Variants in FAM120C observed in about 807,000 individuals in gnomAD.
FAM120C encodes the protein constitutive coactivator of PPAR-gamma-like protein 2.
FAM120C carries 14 observed loss-of-function variants against 71.2 expected under a neutral mutation model. The observed-to-expected ratio is 0.20, with a 90% CI of 0.13 to 0.31. The LOEUF (loss-of-function observed/expected upper bound fraction) is 0.31. Among genes scored for constraint, FAM120C ranks in the 10% least tolerant of loss-of-function variants. The pLI, the probability that FAM120C is intolerant of heterozygous loss-of-function variation, is 1.00. For synonymous variants in FAM120C, 354 were observed against 353.2 expected (o/e 1.00, Z -0.03); for missense variants, 500 against 879.0 (o/e 0.57, Z 5.45).
At chrX:54,087,040 C>T (rs2066798275) in intron 12 of FAM120C, among the ~76,000 whole-genome samples, 1 of 110,436 alleles carries the variant, frequency 9.1e-6, no homozygotes, top group Non-Finnish European at 1.9e-5. Context: ...CTCCCCTCAT[C>T]TTTCCCAATG....
chrX:54,089,570 A>G (rs782078423), intron 11 of FAM120C, among the ~76,000 whole-genome samples: 22 of 112,018 alleles, frequency 2.0e-4, no homozygotes, highest in Non-Finnish European at 3.9e-4. Context: ...TTGATCTTCT[A>G]GCTTACTTTG....
chrX:54,173,069 C>T (rs1370716543), intron 1 of FAM120C, among the ~76,000 whole-genome samples: 1 of 112,534 alleles, frequency 8.9e-6, no homozygotes, highest in African/African-American at 3.2e-5. Context: ...TTGTACTCAA[C>T]AAACACTTTT....
intron 1 of FAM120C, 115 bp from the exon 2 acceptor site, chrX:54,159,731 G>T: frequency 9.0e-6 from 6 of 663,895 alleles, no homozygotes; most frequent in Non-Finnish European, 1.3e-5. Context: ...TTGTACGTGA[G>T]AGAACAGAAC....
chrX:54,113,184 G>A (rs992860260), intron 10 of FAM120C, among the ~76,000 whole-genome samples: 2 of 111,674 alleles, frequency 1.8e-5, no homozygotes, highest in South Asian at 3.7e-4. Context: ...AAAAGTGGCC[G>A]GGGGCGGTGG....
intron 1 of FAM120C, among the ~76,000 whole-genome samples, chrX:54,169,567 TC>T (rs1390417527): frequency 1.8e-5 from 2 of 111,620 alleles, no homozygotes; most frequent in African/African-American, 6.5e-5. Context: ...CTCCAGCTTG[TC>T]CCATATTCCC....
rs1317295678 is a variant in FAM120C, at chrX:54,182,944, ATGG to A, written c.252_254del (p.His86del). On this transcript the variant is annotated inframe_deletion, in exon 1 of 16. Transcript: ENST00000375180. ...GATGGTGGAAGTGGTGAGCGGGGTG[ATGG>A]TGCCGAGTCGGCCCCGCGCCCCCGG... 8.6e-7 allele frequency: 1 copy of A among 1,159,272 alleles called. No homozygotes were observed. The highest frequency in any genetic ancestry group is 1.8e-5 in the African/African-American group (1 of 54,927).
intron 11 of FAM120C, among the ~76,000 whole-genome samples, chrX:54,088,167 C>A (rs2146562873): frequency 9.0e-6 from 1 of 111,156 alleles, no homozygotes; most frequent in African/African-American, 3.3e-5. Context: ...TTAAAGACAC[C>A]AACCTGAGAC....
chrX:54,098,021 C>T (rs1451840758), intron 10 of FAM120C, among the ~76,000 whole-genome samples: 3 of 107,096 alleles, frequency 2.8e-5, no homozygotes, highest in African/African-American at 6.8e-5. Flanking sequence ...CCACTGTGCC[C>T]GGCCTATTTT....
chrX:54,162,412 C>T (rs1176310798), intron 1 of FAM120C, among the ~76,000 whole-genome samples: 1 of 111,799 alleles, frequency 8.9e-6, no homozygotes, highest in Non-Finnish European at 1.9e-5. Flanking sequence ...CTCCTCTTCA[C>T]TCTTATAGCA....
intron 9 of FAM120C, among the ~76,000 whole-genome samples, chrX:54,131,818 G>A (rs1299434253): frequency 9.3e-6 from 1 of 107,465 alleles, no homozygotes; most frequent in African/African-American, 3.5e-5. Context: ...CTGGAGTGCA[G>A]TGGAGCAATC....
intron 1 of FAM120C, among the ~76,000 whole-genome samples, chrX:54,167,243 C>T (rs868917829): frequency 5.4e-5 from 6 of 112,076 alleles, no homozygotes; most frequent in South Asian, 3.7e-4. Flanking sequence ...CAACAATGAC[C>T]GTCAGAATAG....
intron 9 of FAM120C, among the ~76,000 whole-genome samples, chrX:54,132,110 C>G (rs1290178981): frequency 9.1e-6 from 1 of 110,143 alleles, no homozygotes; most frequent in Non-Finnish European, 1.9e-5. Flanking sequence ...GGCTGGAGTA[C>G]AGTAACACGA....
chrX:54,143,739 A>G (rs1264395711), intron 4 of FAM120C, among the ~76,000 whole-genome samples: 1 of 112,038 alleles, frequency 8.9e-6, no homozygotes, highest in African/African-American at 3.2e-5. Context: ...CAGAGGTATA[A>G]GGAGGAGCTG....
chrX:54,139,780 C>T (rs1557131322), intron 4 of FAM120C, among the ~76,000 whole-genome samples: 1 of 110,952 alleles, frequency 9.0e-6, no homozygotes, highest in Non-Finnish European at 1.9e-5. Flanking sequence ...GATCTTCTCA[C>T]CTCAGCCTCC....
rs781964795 is a variant in FAM120C at position 54,083,433 on chromosome X, C to CCACACACACACACACACACA, written c.2840-1993_2840-1974dup. 1.2e-3 allele frequency among the ~76,000 whole-genome samples: 95 copies of CCACACACACACACACACACA among 78,935 alleles called. 3 individuals are homozygous for CCACACACACACACACACACA. The highest frequency in any genetic ancestry group is 3.5e-3 in the African/African-American group (74 of 21,069). 68.5% of individuals were successfully genotyped at this position (78,935 alleles called of 115,157 possible). On this transcript the variant is annotated intron_variant, in intron 13 of 15. Transcript: ENST00000375180. ...AGGGCAACATAGCGAGACCCCATCT[C>CCACACACACACACACACACA]CACACACACACACACACACACACAC...
At chrX:54,132,548 GTA>G in intron 9 of FAM120C, 142 bp downstream of exon 9, 3 of 435,731 alleles carry the variant, frequency 6.9e-6, no homozygotes, top group Non-Finnish European at 1.2e-5. Flanking sequence ...TTAAGTTAAT[GTA>G]TTCCCAGTAT....
intron 15 of FAM120C, among the ~76,000 whole-genome samples, chrX:54,075,742 C>A (rs1452325042): frequency 1.0e-5 from 1 of 99,564 alleles, no homozygotes; most frequent in Non-Finnish European, 2.0e-5. Flanking sequence ...GAGGTTGCAG[C>A]GAGCCAAGAT....
At position 54,091,171 on chromosome X, in the gene FAM120C, G is replaced by C. The variant is rs782372462; in HGVS notation, c.2427+141C>G. 7.0e-6 allele frequency: 3 copies of C among 430,128 alleles called. No homozygotes were observed. In the East Asian group the frequency reaches 1.1e-4, roughly 16 times the overall value. The allele number at this position is 430,128 out of a possible 1,213,427, so 35.4% of individuals were successfully genotyped here. On this transcript the variant is annotated intron_variant, in intron 11 of 15. Transcript: ENST00000375180. Reference sequence around the variant, plus strand: ...CAGGCACCTCTTGGCTTTATTCATAGACATAAATATTTGGTTAAAGTAAAT... The same window carrying C: ...CAGGCACCTCTTGGCTTTATTCATACACATAAATATTTGGTTAAAGTAAAT...
At chrX:54,096,433 T>G (rs1046604008) in intron 10 of FAM120C, among the ~76,000 whole-genome samples, 4 of 111,225 alleles carry the variant, frequency 3.6e-5, no homozygotes, top group Non-Finnish European at 5.7e-5. Context: ...AATAAAAAAA[T>G]GAAATAATTT....
Sources: allele counts gnomAD v4.1 joint callset (sites outside exome capture counted in the v4.1 genomes callset), GRCh38; gene constraint gnomAD v4.1.1; transcripts MANE v1.5; gene names NCBI Gene and HGNC (gene_info 2026-07-23, HGNC 2026-07-21).